GXYLT1: variants seen among roughly 807,000 people sequenced by gnomAD.
The protein encoded by GXYLT1 is glucoside xylosyltransferase 1.
In GXYLT1, 29 loss-of-function variants were observed where a neutral mutation model predicts 54.0. That is an observed-to-expected ratio of 0.54 (90% CI 0.40 to 0.73). GXYLT1 has a LOEUF of 0.73. Ranked by LOEUF, GXYLT1 falls within the 30% of genes least tolerant of loss-of-function variation. The pLI is 0.00. For missense variants in GXYLT1, 490 were observed against 553.4 expected, an observed-to-expected ratio of 0.89 and a Z score of 1.15; for synonymous variants, 176 against 204.1, an observed-to-expected ratio of 0.86 and a Z score of 1.17.
intron 1 of GXYLT1, among the ~76,000 whole-genome samples, chr12:42,133,441 T>C (rs1023269722): frequency 6.6e-6 from 1 of 152,152 alleles, no homozygotes; most frequent in Non-Finnish European, 1.5e-5. Flanking sequence ...GGAACACTCT[T>C]TGAACCTGAT....
chr12:42,124,058 A>G (rs1267573437), intron 2 of GXYLT1, among the ~76,000 whole-genome samples: 20 of 151,810 alleles, frequency 1.3e-4, no homozygotes, highest in Admixed American at 1.3e-3. Context: ...AAAAGCTAGG[A>G]TTTTTATATA....
At chr12:42,092,308 C>T (rs2065333454) in intron 7 of GXYLT1, among the ~76,000 whole-genome samples, 1 of 152,186 alleles carries the variant, frequency 6.6e-6, no homozygotes, top group African/African-American at 2.4e-5. Flanking sequence ...TAAGATTAAA[C>T]AGTGTAGTAG....
chr12:42,098,286 T>C (rs914374189), intron 5 of GXYLT1, among the ~76,000 whole-genome samples: 1 of 152,228 alleles, frequency 6.6e-6, no homozygotes, highest in Non-Finnish European at 1.5e-5. Flanking sequence ...AGTAACTGTG[T>C]CCTTATCTTA....
intron 5 of GXYLT1, among the ~76,000 whole-genome samples, 182 bp from the exon 6 acceptor site, chr12:42,098,215 G>A (rs2065368177): frequency 6.6e-6 from 1 of 152,074 alleles, no homozygotes; most frequent in African/African-American, 2.4e-5. Flanking sequence ...TAAAACAGAA[G>A]ATAACAAAAG....
intron 1 of GXYLT1, among the ~76,000 whole-genome samples, chr12:42,131,943 A>C (rs1205463739): frequency 1.3e-5 from 2 of 152,214 alleles, no homozygotes; most frequent in Non-Finnish European, 2.9e-5. Context: ...TCAACACCTA[A>C]TGTGTACCTT....
chr12:42,099,487 CTATT>C (rs2065377210), intron 5 of GXYLT1, among the ~76,000 whole-genome samples: 2 of 152,026 alleles, frequency 1.3e-5, no homozygotes, highest in Non-Finnish European at 2.9e-5. Context: ...ATTTTTATAC[CTATT>C]TCTTTCATTT....
rs117265037 is a variant in GXYLT1 at position 42,130,529 on chromosome 12, A to C, written c.222-678T>G. 4.8e-3 allele frequency among the ~76,000 whole-genome samples: 735 copies of C among 152,290 alleles called. 29 individuals carry two copies. In the East Asian group the frequency reaches 0.075, roughly 15 times the overall value. On this transcript the variant is annotated intron_variant, in intron 1 of 7. Transcript: ENST00000398675. Reference sequence around the variant, plus strand: ...ACTCATACACTGCTGGTAGGAACATACATTACTACAGTCACTATAAAAAAA... The same window carrying C: ...ACTCATACACTGCTGGTAGGAACATCCATTACTACAGTCACTATAAAAAAA...
chr12:42,112,025 A>G (rs1397475875), intron 3 of GXYLT1, among the ~76,000 whole-genome samples: 2 of 152,200 alleles, frequency 1.3e-5, no homozygotes, highest in Non-Finnish European at 2.9e-5. Context: ...CCAGGCAAAC[A>G]GGGTCTGGAG....
intron 3 of GXYLT1, among the ~76,000 whole-genome samples, chr12:42,110,293 G>A (rs1364104453): frequency 6.6e-6 from 1 of 152,116 alleles, no homozygotes; most frequent in Non-Finnish European, 1.5e-5. Context: ...TCAAGATACT[G>A]AATTGTTTCT....
rs184664069 is a variant in GXYLT1 at position 42,091,293 on chromosome 12, T to A, written c.1162-3346A>T. Among the ~76,000 whole-genome samples the A allele has an allele frequency of 3.6e-3, 550 of 151,798 alleles. 6 individuals carry two copies. In the East Asian group the frequency reaches 0.045, roughly 12 times the overall value. On this transcript the variant is annotated intron_variant, in intron 7 of 7. Coordinates refer to ENST00000398675, the MANE Select transcript of GXYLT1 (RefSeq NM_173601.2). ...AAATCCTTTTAAAAATAAGATTTTT[T>A]TAAAAAAAAATCAAGTGTAATTAAT...
At position 42,085,040 on chromosome 12, in the gene GXYLT1, A is replaced by C. The variant is rs1190864755; in HGVS notation, c.*2746T>G. The C allele has an allele frequency of 6.6e-6, 1 of 152,206 alleles. No individual in the cohort carries two copies. The highest frequency in any genetic ancestry group is 1.9e-4 in the East Asian group (1 of 5,202). 9.4% of individuals were successfully genotyped at this position (152,206 alleles called of 1,614,324 possible). On this transcript the variant is annotated 3_prime_UTR_variant, in exon 8 of 8. Coordinates refer to ENST00000398675, the MANE Select transcript of GXYLT1 (RefSeq NM_173601.2). Reference sequence around the variant, plus strand: ...TATATGAAGATGGAATACGTTCTCTAAGTTGTCCATCTATAATTTAACCTC... The same window carrying C: ...TATATGAAGATGGAATACGTTCTCTCAGTTGTCCATCTATAATTTAACCTC...
rs1011730022 is a variant in GXYLT1 at position 42,097,907 on chromosome 12, T to G, written c.988+3A>C. On this transcript the variant is annotated splice_donor_region_variant and intron_variant, in intron 6 of 7. Transcript: ENST00000398675. The stretch of plus-strand genomic sequence containing the variant: ...TGCAAATAAAAGGAATTTAAATAAT[T>G]ACCTGGATTATGAAAAAACACGATA... 6.4e-7 allele frequency: 1 copy of G among 1,573,596 alleles called. No homozygotes were observed. Among genetic ancestry groups the G allele is most frequent in the Non-Finnish European group, 8.7e-7 (1 of 1,154,758 alleles).
intron 5 of GXYLT1, among the ~76,000 whole-genome samples, chr12:42,099,697 A>G (rs905395574): frequency 2.6e-5 from 4 of 152,164 alleles, no homozygotes; most frequent in Non-Finnish European, 4.4e-5. Context: ...AAAAGTACAA[A>G]AAACTAGTCA....
At chr12:42,119,480 G>GA (rs1004794188) in intron 2 of GXYLT1, among the ~76,000 whole-genome samples, 53 of 143,700 alleles carry the variant, frequency 3.7e-4, no homozygotes, top group East Asian at 6.0e-4. Context: ...GGGAGGGAAG[G>GA]AAAAAAAAAA....
chr12:42,089,392 C>T (rs896264969), intron 7 of GXYLT1, among the ~76,000 whole-genome samples: 9 of 151,178 alleles, frequency 6.0e-5, no homozygotes, highest in Admixed American at 4.0e-4. Context: ...ATGTAAATGA[C>T]GAGTTAATGG....
chr12:42,116,119 A>G (rs1469711256), intron 3 of GXYLT1, among the ~76,000 whole-genome samples: 8 of 152,118 alleles, frequency 5.3e-5, no homozygotes, highest in African/African-American at 1.9e-4. Flanking sequence ...CACCTTACAC[A>G]AAAATTAATT....
intron 3 of GXYLT1, among the ~76,000 whole-genome samples, chr12:42,118,108 A>G (rs1252761722): frequency 6.6e-6 from 1 of 152,186 alleles, no homozygotes; most frequent in East Asian, 1.9e-4. Flanking sequence ...CTTTTATGGG[A>G]GAGAGAAATA....
At chr12:42,112,337 C>T (rs925552784) in intron 3 of GXYLT1, among the ~76,000 whole-genome samples, 1 of 152,088 alleles carries the variant, frequency 6.6e-6, no homozygotes. Flanking sequence ...GAAGATCAAA[C>T]TACTCCAAGC....
At chr12:42,135,451 A>G (rs1029837195) in intron 1 of GXYLT1, among the ~76,000 whole-genome samples, 5 of 152,210 alleles carry the variant, frequency 3.3e-5, no homozygotes, top group African/African-American at 9.7e-5. Flanking sequence ...ATGACTCACC[A>G]ATTAAATTCC....
Sources: gnomAD v4.1 joint callset for allele counts (sites outside exome capture counted in the v4.1 genomes callset) on GRCh38, gnomAD v4.1.1 for gene constraint, MANE v1.5 for transcripts, NCBI Gene and HGNC (gene_info 2026-07-23, HGNC 2026-07-21) for gene names.